The following RASSF3 variants were observed in gnomAD, a reference collection of about 807,000 sequenced individuals.
The protein encoded by RASSF3 is Ras association domain family member 3, also known as ras association domain-containing protein 3.
RASSF3 carries 19 observed loss-of-function variants against 19.9 expected under a neutral mutation model. The observed-to-expected ratio is 0.96, with a 90% CI of 0.67 to 1.40. The LOEUF is 1.40. Ranked by LOEUF, RASSF3 falls within the 40% of genes most tolerant of loss-of-function variation. RASSF3 has a pLI of 0.00. For missense variants in RASSF3, 306 were observed against 289.8 expected (o/e 1.06, Z -0.41); for synonymous variants, 110 against 104.2 (o/e 1.06, Z -0.34).
intron 1 of RASSF3, among the ~76,000 whole-genome samples, chr12:64,640,253 C>T (rs756600443): frequency 1.4e-4 from 21 of 152,206 alleles, no homozygotes; most frequent in Non-Finnish European, 2.2e-4. Context: ...TACCACCACA[C>T]TCAAGGTCAT....
intron 2 of RASSF3, among the ~76,000 whole-genome samples, chr12:64,562,023 T>TTATTTTTG (rs141301351): frequency 0.033 from 4,554 of 139,526 alleles, 118 homozygotes; most frequent in African/African-American, 0.065. Flanking sequence ...ATTTATTTAT[T>TTATTTTTG]TTTGTTTGTT....
intron 2 of RASSF3, among the ~76,000 whole-genome samples, chr12:64,565,608 G>A (rs1869416146): frequency 6.6e-6 from 1 of 152,180 alleles, no homozygotes; most frequent in Non-Finnish European, 1.5e-5. Flanking sequence ...AGCTACTAGG[G>A]GTTTCTGAGG....
chr12:64,687,025 C>T (rs901266831), intron 2 of RASSF3, among the ~76,000 whole-genome samples: 2 of 152,164 alleles, frequency 1.3e-5, no homozygotes, highest in East Asian at 1.9e-4. Context: ...CAGTCTCTGT[C>T]GCCCAGGCTG....
intron 1 of RASSF3, among the ~76,000 whole-genome samples, chr12:64,519,263 G>A (rs746774702): frequency 6.6e-6 from 1 of 152,134 alleles, no homozygotes; most frequent in African/African-American, 2.4e-5. Context: ...AGCTGGGCAC[G>A]GTGGTGCACA....
intron 2 of RASSF3, among the ~76,000 whole-genome samples, chr12:64,601,736 C>T (rs1242215804): frequency 2.6e-5 from 4 of 151,966 alleles, no homozygotes; most frequent in Admixed American, 2.6e-4. Flanking sequence ...TCCCTTGACC[C>T]TGGGAGGGGG....
At chr12:64,518,914 C>T (rs545166304) in intron 1 of RASSF3, among the ~76,000 whole-genome samples, 1 of 152,246 alleles carries the variant, frequency 6.6e-6, no homozygotes, top group Non-Finnish European at 1.5e-5. Context: ...ATAACAGACA[C>T]AACAGTGTGA....
At chr12:64,686,745 T>C (rs1027189413) in intron 2 of RASSF3, among the ~76,000 whole-genome samples, 4 of 152,208 alleles carry the variant, frequency 2.6e-5, no homozygotes, top group Admixed American at 2.6e-4. Flanking sequence ...GAGGATCACT[T>C]GAACTCAGGA....
intron 2 of RASSF3, among the ~76,000 whole-genome samples, chr12:64,585,352 G>T (rs2136137454): frequency 1.3e-5 from 2 of 152,302 alleles, no homozygotes; most frequent in South Asian, 4.1e-4. Flanking sequence ...GAGGGAGGCT[G>T]ACGACCTAGG....
intron 1 of RASSF3, among the ~76,000 whole-genome samples, chr12:64,610,985 G>A (rs1313244663): frequency 6.6e-6 from 1 of 152,162 alleles, no homozygotes; most frequent in Non-Finnish European, 1.5e-5. Context: ...TCTGCCTTCC[G>A]CGCCAGATGG....
chr12:64,565,155 T>C (rs1184573084), intron 2 of RASSF3, among the ~76,000 whole-genome samples: 5 of 149,176 alleles, frequency 3.4e-5, no homozygotes, highest in Non-Finnish European at 4.4e-5. Flanking sequence ...ACTACAAATA[T>C]CTTGAGAATC....
intron 1 of RASSF3, among the ~76,000 whole-genome samples, chr12:64,639,749 T>C (rs1461930218): frequency 6.6e-6 from 1 of 152,180 alleles, no homozygotes; most frequent in Non-Finnish European, 1.5e-5. Flanking sequence ...TTTCACATTG[T>C]TTTTAGAAAT....
intron 2 of RASSF3, among the ~76,000 whole-genome samples, chr12:64,566,390 T>TC (rs1453228265): frequency 6.6e-6 from 1 of 152,184 alleles, no homozygotes; most frequent in East Asian, 1.9e-4. Flanking sequence ...AAAAACACAT[T>TC]CCAAAGCAGA....
At chr12:64,637,470 C>T (rs1394410651) in intron 1 of RASSF3, among the ~76,000 whole-genome samples, 4 of 147,340 alleles carry the variant, frequency 2.7e-5, no homozygotes, top group African/African-American at 1.0e-4. Context: ...GTTGCCCAGG[C>T]CCAGGCTGGA....
intron 2 of RASSF3, among the ~76,000 whole-genome samples, chr12:64,584,928 C>T (rs1869769742): frequency 7.4e-6 from 1 of 136,020 alleles, no homozygotes; most frequent in East Asian, 2.1e-4. Flanking sequence ...GCTCTGTCAC[C>T]AAGCTGGAGT....
chr12:64,615,832 C>T (rs1389434403), intron 1 of RASSF3, among the ~76,000 whole-genome samples: 3 of 151,988 alleles, frequency 2.0e-5, no homozygotes, highest in African/African-American at 7.2e-5. Context: ...CGCCACAGTG[C>T]CTGGCTAATT....
intron 1 of RASSF3, among the ~76,000 whole-genome samples, chr12:64,536,611 G>A (rs1868832834): frequency 6.6e-6 from 1 of 151,988 alleles, no homozygotes; most frequent in African/African-American, 2.4e-5. Flanking sequence ...TAAAAAAAAT[G>A]GTGCATAGTC....
intron 1 of RASSF3, among the ~76,000 whole-genome samples, chr12:64,509,905 G>A (rs7398100): frequency 0.16 from 24,571 of 151,866 alleles, 2,114 homozygotes; most frequent in Admixed American, 0.23. Flanking sequence ...TGGCCACCGC[G>A]GTGAAACCCC....
chr12:64,528,709 T>C (rs1868641026), upstream of RASSF3, among the ~76,000 whole-genome samples: 1 of 152,152 alleles, frequency 6.6e-6, no homozygotes, highest in Non-Finnish European at 1.5e-5. Context: ...TTTCACCCCT[T>C]CCAGCCCCAG....
intron 1 of RASSF3, among the ~76,000 whole-genome samples, chr12:64,679,663 C>G (rs550331754): frequency 7.2e-5 from 11 of 152,212 alleles, no homozygotes; most frequent in African/African-American, 2.6e-4. Flanking sequence ...CGTAACCCCA[C>G]CCAGGAACTG....
Sources: allele counts gnomAD v4.1 joint callset (sites outside exome capture counted in the v4.1 genomes callset), GRCh38; gene constraint gnomAD v4.1.1; transcripts MANE v1.5; gene names NCBI Gene and HGNC (gene_info 2026-07-23, HGNC 2026-07-21).